Variants in ZFHX2 observed in about 807,000 individuals in gnomAD.
ZFHX2 encodes zinc finger homeobox 2, also known as zinc finger homeobox protein 2.
In ZFHX2, 75 loss-of-function variants were observed where a neutral mutation model predicts 164.8. The observed-to-expected ratio is 0.46, with a 90% CI of 0.38 to 0.55. The LOEUF (loss-of-function observed/expected upper bound fraction) is 0.55, where lower values mean the gene tolerates loss of function less well. Ranked by LOEUF, ZFHX2 falls within the 20% of genes least tolerant of loss-of-function variation. ZFHX2 has a pLI of 0.00. For missense variants in ZFHX2, 2,933 were observed against 3,308.0 expected, an observed-to-expected ratio of 0.89 and a Z score of 2.78; for synonymous variants, 1,217 against 1,351.4, an observed-to-expected ratio of 0.90 and a Z score of 2.18.
chr14:23,524,386 G>A lies in ZFHX2; in HGVS notation c.5556C>T (p.Gly1852=), dbSNP rs780837560. The change falls in exon 9 of 10, where the codon GGC becomes GGT. Residue 1852 remains glycine, a synonymous_variant. Coordinates refer to ENST00000419474, the MANE Select transcript of ZFHX2 (RefSeq NM_033400.3). This position sits in a 1 kb window ranked among gnomAD's most constrained non-coding sequence, Gnocchi z 5.6. ...GCAGGCGCTTGTCCCTGGGGGGCTC[G>A]CCCTCCCCTCCTCCCCCTGCTTCAC... ...TGSEAGGGGE[G]EPPRDKRLRT... 2.4e-5 allele frequency: 37 copies of A among 1,536,040 alleles called. No individual in the cohort carries two copies. The Middle Eastern group carries it at 6.7e-4, about 28-fold the overall frequency.
rs1878695212 is a variant in ZFHX2, at chr14:23,526,245, C to T, written c.3697G>A (p.Glu1233Lys). ...GTGGTGGTGGGTGGGGCACCGGCCT[C>T]TCCCCGTGCAGGGGCAGAGGGGTCA... ...AIDPSAPARG[E>K]AGAPPTTTAA... is the part of the protein sequence containing the mutation. The change falls in exon 9 of 10, where the codon GAG (glutamate) becomes AAG (lysine). Residue 1233 changes from glutamate to lysine, a missense_variant. Glu to Lys is a moderately conservative substitution (Grantham distance 56). Transcript: ENST00000419474. 2.0e-6 allele frequency: 3 copies of T among 1,536,364 alleles called. No individual in the cohort carries two copies. The African/African-American group carries it at 4.1e-5, about 21-fold the overall frequency.
rs550339320 is a variant in ZFHX2 at position 23,541,094 on chromosome 14, C to T, written c.-49-5720G>A. On this transcript the variant is annotated intron_variant, in intron 1 of 9. Transcript: ENST00000419474. The stretch of plus-strand genomic sequence containing the variant: ...GCTAATTTTTGTATTTCAGTAGAGA[C>T]GGGGTTTCACCATGTTGGCCAGGCT... Among the ~76,000 whole-genome samples, 5 of 151,864 alleles carry T rather than the reference C, an allele frequency of 3.3e-5. No individual in the cohort carries two copies. In the East Asian group the frequency reaches 5.8e-4, roughly 18 times the overall value.
intron 4 of ZFHX2, 124 bp from the exon 5 acceptor site, chr14:23,530,318 G>C: frequency 1.3e-6 from 1 of 766,682 alleles, no homozygotes; most frequent in Non-Finnish European, 2.2e-6. Flanking sequence ...TCAATCAGCA[G>C]GTAGGAGAGT....
intron 6 of ZFHX2, chr14:23,528,753 G>A (rs1249180532): frequency 1.0e-6 from 1 of 985,272 alleles, no homozygotes; most frequent in Non-Finnish European, 1.2e-6. Context: ...CAGTGGCCCA[G>A]GAAAATTCTG....
At chr14:23,537,346 T>C (rs1282133225) in intron 1 of ZFHX2, among the ~76,000 whole-genome samples, 1 of 151,996 alleles carries the variant, frequency 6.6e-6, no homozygotes, top group Non-Finnish European at 1.5e-5. Context: ...CTAGCTCTCG[T>C]ATTAGCAGAT....
chr14:23,535,326 G>C lies in ZFHX2; in HGVS notation c.-1C>G. 5 of 1,451,748 alleles carry C rather than the reference G, an allele frequency of 3.4e-6. No individual in the cohort carries two copies. Among genetic ancestry groups the C allele is most frequent in the East Asian group, 2.5e-5 (1 of 40,044 alleles). 89.9% of individuals were successfully genotyped at this position (1,451,748 alleles called of 1,614,324 possible). On this transcript the variant is annotated 5_prime_UTR_variant, in exon 2 of 10. Coordinates refer to ENST00000419474, the MANE Select transcript of ZFHX2 (RefSeq NM_033400.3). The surrounding 1 kb of genome is among the most constrained non-coding windows in gnomAD (Gnocchi z 4.5). ...TAGAGGCTGAGTTAAGGGTGGCCATGGTAGACGGAGGAGTGCTGGGGGCTC... is the reference window on the plus strand; with the variant it reads ...TAGAGGCTGAGTTAAGGGTGGCCATCGTAGACGGAGGAGTGCTGGGGGCTC...
rs550557931 is a variant in ZFHX2 at position 23,551,531 on chromosome 14, A to C, written c.-238T>G. The C allele has an allele frequency of 6.6e-6, 1 of 152,512 alleles. No homozygotes were observed. The highest frequency in any genetic ancestry group is 1.9e-4 in the East Asian group (1 of 5,168). 9.4% of individuals were successfully genotyped at this position (152,512 alleles called of 1,614,324 possible). Reference sequence around the variant, plus strand: ...GGAGACGGAAAAAAATAAATAAATAAATTCACGGCGGTGAGGGAAGTGAAG... The same window carrying C: ...GGAGACGGAAAAAAATAAATAAATACATTCACGGCGGTGAGGGAAGTGAAG... On this transcript the variant is annotated 5_prime_UTR_variant, in exon 1 of 10. It adds an upstream start codon to the 5' untranslated region. Coordinates refer to ENST00000419474, the MANE Select transcript of ZFHX2 (RefSeq NM_033400.3). This position sits in a 1 kb window ranked among gnomAD's most constrained non-coding sequence, Gnocchi z 5.3.
In ZFHX2 at chr14:23,524,665, C is replaced by G; in HGVS notation, c.5277G>C (p.Glu1759Asp). 3.3e-6 allele frequency: 5 copies of G among 1,536,318 alleles called. No homozygotes were observed. Among genetic ancestry groups the G allele is most frequent in the Non-Finnish European group, 2.6e-6 (3 of 1,146,920 alleles). The change falls in exon 9 of 10, where the codon GAG becomes GAC. Residue 1759 changes from glutamate to aspartate, a missense_variant. By Grantham distance (45) the Glu-to-Asp change is conservative (BLOSUM62 2). Coordinates refer to ENST00000419474, the MANE Select transcript of ZFHX2 (RefSeq NM_033400.3). This position sits in a 1 kb window ranked among gnomAD's most constrained non-coding sequence, Gnocchi z 5.6. ...CTGGGGAAGGTGATGGAGTAGCCTT[C>G]TCTTCAGGCTCTTTGCCTCCTGCCT... ...ATKAGGKEPE[E>D]KATPSPSPAH...
chr14:23,533,839 G>C lies in ZFHX2; in HGVS notation c.1487C>G (p.Ala496Gly). The stretch of plus-strand genomic sequence containing the variant: ...GCCACAGTTGTAGCTCTCTCCACGA[G>C]CAAGGCGGGGGTGGGCGCCCCCAGC... ...CSAGGAHPRL[A>G]RGESYNCGYK... Residue 496 changes from alanine to glycine, a missense_variant, in exon 2 of 10, where the codon GCT (alanine) becomes GGT (glycine). By Grantham distance (60) the Ala-to-Gly change is moderately conservative. Transcript: ENST00000419474. The surrounding 1 kb of genome is among the most constrained non-coding windows in gnomAD (Gnocchi z 4.8). 1 of 1,540,622 alleles carries C rather than the reference G, an allele frequency of 6.5e-7. No individual in the cohort carries two copies. Among genetic ancestry groups the C allele is most frequent in the African/African-American group, 1.4e-5 (1 of 73,266 alleles).
At position 23,535,163 on chromosome 14, in the gene ZFHX2, C is replaced by G; in HGVS notation, c.163G>C (p.Glu55Gln). The G allele has an allele frequency of 6.5e-7, 1 of 1,535,684 alleles. No homozygotes were observed. Among genetic ancestry groups the G allele is most frequent in the Non-Finnish European group, 8.7e-7 (1 of 1,146,428 alleles). Residue 55 changes from glutamate to glutamine, a missense_variant, in exon 2 of 10, where the codon GAG becomes CAG. Physicochemically the swap from Glu to Gln is conservative, Grantham distance 29. Transcript: ENST00000419474. This position sits in a 1 kb window ranked among gnomAD's most constrained non-coding sequence, Gnocchi z 4.5. The part of the protein sequence containing the change: ...SSTSENMRSS[E>Q]PGGQLLESGC... ...GACTCCAGGAGCTGTCCCCCTGGCT[C>G]TGAGGACCTCATGTTCTCAGAGGTG...
rs982569398 is a variant in ZFHX2 at position 23,522,133 on chromosome 14, G to A, written c.7548C>T (p.Ser2516=). 2.9e-5 allele frequency: 45 copies of A among 1,528,006 alleles called. No homozygotes were observed. Among genetic ancestry groups the A allele is most frequent in the Non-Finnish European group, 3.9e-5 (45 of 1,142,824 alleles). 94.7% of individuals were successfully genotyped at this position (1,528,006 alleles called of 1,614,324 possible). Residue 2516 remains serine (S), a synonymous_variant, in exon 10 of 10, where the codon TCC becomes TCT. Coordinates refer to ENST00000419474, the MANE Select transcript of ZFHX2 (RefSeq NM_033400.3). The stretch of plus-strand genomic sequence containing the variant: ...GGGCTGCCTTGCGCCTGTGGGCCGA[G>A]GAGCGCAGGTGGGAGGCTAGGGCTT... ...GREALASHLR[S]SAHRRKAAPP... is the part of the protein sequence containing the mutation.
In ZFHX2 at chr14:23,527,551, T is replaced by G. The variant is rs1878902464; in HGVS notation, c.3135+53A>C. On this transcript the variant is annotated intron_variant, in intron 7 of 9. Transcript: ENST00000419474. Reference sequence around the variant, plus strand: ...ATACCCCTGCCTCTTCCTCCCCTCCTGCACAGCCCTAATAAGGTCTTGTTG... The same window carrying G: ...ATACCCCTGCCTCTTCCTCCCCTCCGGCACAGCCCTAATAAGGTCTTGTTG... The G allele has an allele frequency of 2.6e-6, 4 of 1,531,032 alleles. No homozygotes were observed. The South Asian group carries it at 4.8e-5, about 18-fold the overall frequency. The allele number at this position is 1,531,032 out of a possible 1,614,324, so 94.8% of individuals were successfully genotyped here. A position where few individuals can be genotyped will look rare whatever the true frequency, so the allele number is the denominator to read the frequency against.
intron 1 of ZFHX2, among the ~76,000 whole-genome samples, chr14:23,550,622 G>C (rs1237874070): frequency 6.6e-6 from 1 of 152,172 alleles, no homozygotes; most frequent in Non-Finnish European, 1.5e-5. Flanking sequence ...GCGAGGAAGC[G>C]TGGTCCTGTG....
In ZFHX2 at chr14:23,534,966, A is replaced by G; in HGVS notation, c.360T>C (p.Gly120=). The G allele has an allele frequency of 6.5e-7, 1 of 1,536,062 alleles. No homozygotes were observed. Among genetic ancestry groups the G allele is most frequent in the Non-Finnish European group, 8.7e-7 (1 of 1,146,882 alleles). Residue 120 remains glycine (G), a synonymous_variant, in exon 2 of 10, where the codon GGT becomes GGC. Coordinates refer to ENST00000419474, the MANE Select transcript of ZFHX2 (RefSeq NM_033400.3). The surrounding 1 kb of genome is among the most constrained non-coding windows in gnomAD (Gnocchi z 4.5). ...LSNHLFFTAG[G]EAYLVAKLSL... ...ACAGCTTGGCCACTAGGTAGGCCTCACCTCCAGCTGTGAAGAATAAGTGGT... is the reference window on the plus strand; with the variant it reads ...ACAGCTTGGCCACTAGGTAGGCCTCGCCTCCAGCTGTGAAGAATAAGTGGT...
At chr14:23,544,866 C>T (rs1247167771) in intron 1 of ZFHX2, among the ~76,000 whole-genome samples, 1 of 152,158 alleles carries the variant, frequency 6.6e-6, no homozygotes, top group Non-Finnish European at 1.5e-5. Flanking sequence ...TCTCCTTCTC[C>T]CACCTTTTTT....
At position 23,534,364 on chromosome 14, in the gene ZFHX2, G is replaced by A. The variant is rs768360902; in HGVS notation, c.962C>T (p.Thr321Ile). 2.0e-6 allele frequency: 3 copies of A among 1,536,694 alleles called. No individual in the cohort carries two copies. In the African/African-American group the frequency reaches 4.1e-5, roughly 21 times the overall value. The change falls in exon 2 of 10, where the codon ACA (threonine) becomes ATA (isoleucine). Residue 321 changes from threonine (T) to isoleucine (I), a missense_variant. By Grantham distance (89) the Thr-to-Ile change is moderately conservative. Coordinates refer to ENST00000419474, the MANE Select transcript of ZFHX2 (RefSeq NM_033400.3). This position sits in a 1 kb window ranked among gnomAD's most constrained non-coding sequence, Gnocchi z 4.5. ...TVNMEANVAQTEDGPPEAEVQ... is the reference protein window; with the variant it reads ...TVNMEANVAQIEDGPPEAEVQ... ...TTCTGCCTCAGGGGGGCCATCCTCTGTCTGGGCCACATTCGCCTCCATGTT... is the reference window on the plus strand; with the variant it reads ...TTCTGCCTCAGGGGGGCCATCCTCTATCTGGGCCACATTCGCCTCCATGTT...
upstream of ZFHX2, chr14:23,555,594 A>C (rs965205923): frequency 6.6e-6 from 1 of 152,032 alleles, no homozygotes; most frequent in Non-Finnish European, 1.5e-5. Flanking sequence ...TCTTACCCTC[A>C]ACGTTCATGC....
rs946005210 is a variant in ZFHX2, at chr14:23,526,881, C to G, written c.3228G>C (p.Gly1076=). 18 of 1,533,910 alleles carry G rather than the reference C, an allele frequency of 1.2e-5. No individual in the cohort carries two copies. The highest frequency in any genetic ancestry group is 1.6e-5 in the Non-Finnish European group (18 of 1,145,970). The change falls in exon 8 of 10, where the codon GGG becomes GGC. Residue 1076 remains glycine (G), a synonymous_variant. Coordinates refer to ENST00000419474, the MANE Select transcript of ZFHX2 (RefSeq NM_033400.3). ...GGTCTCTGCTCGGTGTAGGCTCTGG[C>G]CCATGAGTGGGGGGTTCTTGGCCAT... is the stretch of plus-strand genomic sequence containing the variant. ...LDNGQEPPTH[G]PEPTPSRDQA... is the part of the protein sequence containing the mutation.
Position 23,535,313 on chromosome 14 carries a change from T to A in ZFHX2, c.13A>T (p.Asn5Tyr). Residue 5 changes from asparagine (N) to tyrosine (Y), a missense_variant, in exon 2 of 10, where the codon AAC becomes TAC. Asn to Tyr is a moderately radical substitution (Grantham distance 143). Transcript: ENST00000419474. This position sits in a 1 kb window ranked among gnomAD's most constrained non-coding sequence, Gnocchi z 4.5. The part of the protein sequence containing the change: MATL[N>Y]SASTTGTTPS... ...GTGGTACCAGTGGTAGAGGCTGAGT[T>A]AAGGGTGGCCATGGTAGACGGAGGA... The A allele has an allele frequency of 6.8e-7, 1 of 1,461,248 alleles. No individual in the cohort carries two copies. The highest frequency in any genetic ancestry group is 9.0e-7 in the Non-Finnish European group (1 of 1,107,434). The allele number at this position is 1,461,248 out of a possible 1,614,324, so 90.5% of individuals were successfully genotyped here. A position where few individuals can be genotyped will look rare whatever the true frequency, so the allele number is the denominator to read the frequency against.
Sources: gnomAD v4.1 joint callset for allele counts (sites outside exome capture counted in the v4.1 genomes callset) on GRCh38, gnomAD v4.1.1 for gene constraint, Gnocchi (gnomAD v3.1) non-coding constraint, MANE v1.5 for transcripts, NCBI Gene and HGNC (gene_info 2026-07-23, HGNC 2026-07-21) for gene names.